The following SYTL5 variants were observed in gnomAD, a reference collection of about 807,000 sequenced individuals.
SYTL5 encodes the protein synaptotagmin-like protein 5.
Under a neutral mutation model 55.9 loss-of-function variants are expected in SYTL5, and 34 were observed. That is an observed-to-expected ratio of 0.61 (90% confidence interval 0.46 to 0.81). The LOEUF (loss-of-function observed/expected upper bound fraction) is 0.81. Ranked by LOEUF, SYTL5 falls within the 30% of genes least tolerant of loss-of-function variation. The pLI, the probability that SYTL5 is intolerant of heterozygous loss-of-function variation, is 0.00. For missense variants in SYTL5, 637 were observed against 546.7 expected (o/e 1.17, Z -1.65); for synonymous variants, 221 against 188.7 (o/e 1.17, Z -1.40).
intron 6 of SYTL5, among the ~76,000 whole-genome samples, chrX:38,082,977 T>C (rs781051450): frequency 1.0e-3 from 113 of 112,245 alleles, no homozygotes; most frequent in African/African-American, 3.2e-3. Flanking sequence ...CAATATAACA[T>C]CCTACTCAGA....
In SYTL5 at chrX:38,051,900, G is replaced by T. The variant is rs1331277643; in HGVS notation, c.120-2313G>T. 9.0e-5 allele frequency among the ~76,000 whole-genome samples: 10 copies of T among 111,435 alleles called. No homozygotes were observed. The East Asian group carries it at 2.8e-3, about 31-fold the overall frequency. ...TAGGAGACGCACAATCCCAAGCAGG[G>T]TTCCTTCTGTTCTGGCTCCAAGGGG... On this transcript the variant is annotated intron_variant, in intron 2 of 16. Transcript: ENST00000297875.
At chrX:38,108,299 G>A (rs1937265280) in intron 11 of SYTL5, among the ~76,000 whole-genome samples, 1 of 111,879 alleles carries the variant, frequency 8.9e-6, no homozygotes, top group South Asian at 3.7e-4. Flanking sequence ...AAGAAACTGA[G>A]GCACAGAGTG....
chrX:37,894,502 A>G, the SYTL5 span, among the ~76,000 whole-genome samples: 2 of 111,856 alleles, frequency 1.8e-5, no homozygotes, highest in Admixed American at 1.9e-4. Flanking sequence ...GATAATAGAA[A>G]GAAGGTCTGG....
At chrX:37,903,809 A>G in the SYTL5 span, among the ~76,000 whole-genome samples, 1 of 111,825 alleles carries the variant, frequency 8.9e-6, no homozygotes, top group Non-Finnish European at 1.9e-5. Flanking sequence ...GACTCAGTTC[A>G]ATTGCCGTCT....
At chrX:38,105,115 T>C (rs1309829139) in intron 10 of SYTL5, among the ~76,000 whole-genome samples, 2 of 112,665 alleles carry the variant, frequency 1.8e-5, no homozygotes, top group African/African-American at 6.5e-5. Flanking sequence ...GCTAAGTGAC[T>C]AATGGGCAAG....
chrX:38,122,007 G>A, intron 14 of SYTL5, 73 bp from the exon 15 acceptor site: 3 of 984,085 alleles, frequency 3.0e-6, no homozygotes, highest in Non-Finnish European at 4.0e-6. Context: ...TGTAAATTTT[G>A]AAATGGAACT....
chrX:38,062,630 T>C (rs1357527965), intron 3 of SYTL5, among the ~76,000 whole-genome samples: 2 of 111,801 alleles, frequency 1.8e-5, no homozygotes, highest in Non-Finnish European at 3.8e-5. Context: ...AGTCCCTTGA[T>C]GTTAAGAGCT....
chrX:38,106,480 G>T (rs1283188718), intron 10 of SYTL5, 113 bp from the exon 11 acceptor site: 1 of 677,980 alleles, frequency 1.5e-6, no homozygotes, highest in South Asian at 5.2e-5. Context: ...CCTCACCCTA[G>T]ACTTCCATGC....
the SYTL5 span, among the ~76,000 whole-genome samples, chrX:38,000,418 C>G: frequency 8.9e-6 from 1 of 112,123 alleles, no homozygotes; most frequent in East Asian, 2.8e-4. Context: ...GTTCCCTTGT[C>G]CCCCTCACAG....
chrX:37,956,760 A>G, the SYTL5 span, among the ~76,000 whole-genome samples: 1 of 112,019 alleles, frequency 8.9e-6, no homozygotes, highest in Non-Finnish European at 1.9e-5. Context: ...GGGAGCGCAG[A>G]TATGCCTTCG....
chrX:37,889,146 C>T, the SYTL5 span, among the ~76,000 whole-genome samples: 6 of 111,813 alleles, frequency 5.4e-5, no homozygotes, highest in East Asian at 1.4e-3. Context: ...ATTAACCACA[C>T]CAATGAAGAG....
the SYTL5 span, among the ~76,000 whole-genome samples, chrX:37,950,900 G>A: frequency 9.0e-6 from 1 of 110,925 alleles, no homozygotes; most frequent in Non-Finnish European, 1.9e-5. Context: ...CACATGATGG[G>A]TGTTATCCAT....
chrX:38,000,546 T>C, the SYTL5 span, among the ~76,000 whole-genome samples: 2 of 111,730 alleles, frequency 1.8e-5, no homozygotes, highest in Non-Finnish European at 3.8e-5. Flanking sequence ...TAAAGGTGAA[T>C]GTTTACAGAT....
chrX:38,063,630 T>C (rs1214164854), intron 3 of SYTL5, among the ~76,000 whole-genome samples: 1 of 111,956 alleles, frequency 8.9e-6, no homozygotes, highest in Non-Finnish European at 1.9e-5. Flanking sequence ...ACATGTTTTC[T>C]AGTTTTGTAT....
chrX:38,038,151 A>G (rs1935168913), intron 2 of SYTL5, among the ~76,000 whole-genome samples: 1 of 112,317 alleles, frequency 8.9e-6, no homozygotes, highest in South Asian at 3.7e-4. Flanking sequence ...TTAATCTCAT[A>G]CAGAAACACC....
chrX:37,921,897 T>C, the SYTL5 span, among the ~76,000 whole-genome samples: 1 of 111,896 alleles, frequency 8.9e-6, no homozygotes, highest in Non-Finnish European at 1.9e-5. Context: ...CTTTTGTTAA[T>C]GAAAGGATGA....
chrX:38,108,546 T>C (rs756329565), intron 11 of SYTL5, 54 bp from the exon 12 acceptor site: 31 of 944,449 alleles, frequency 3.3e-5, no homozygotes, highest in Admixed American at 2.1e-4. Context: ...TCTTTGAACA[T>C]TTCTTGCAAA....
Position 38,106,759 on chromosome X carries a change from A to C in SYTL5, c.1322A>C (p.Gln441Pro). Residue 441 changes from glutamine (Q) to proline (P), a missense_variant, in exon 11 of 17, where the codon CAG (glutamine) becomes CCG (proline). By Grantham distance (76) the Gln-to-Pro change is moderately conservative (BLOSUM62 -1). Coordinates refer to ENST00000297875, the MANE Select transcript of SYTL5 (RefSeq NM_138780.3). ...RNLAIGDEKKQRTDAYVKSYL... is the reference protein window; with the variant it reads ...RNLAIGDEKKPRTDAYVKSYL... ...CTGGCCATAGGAGATGAAAAGAAAC[A>C]GAGGACAGATGCGTAAGCACATAGC... The C allele has an allele frequency of 8.3e-7, 1 of 1,201,012 alleles. No individual in the cohort carries two copies. Among genetic ancestry groups the C allele is most frequent in the Non-Finnish European group, 1.1e-6 (1 of 890,530 alleles).
the SYTL5 span, among the ~76,000 whole-genome samples, chrX:37,920,859 T>A: frequency 9.0e-6 from 1 of 111,604 alleles, no homozygotes; most frequent in Non-Finnish European, 1.9e-5. Context: ...ACCACAATGT[T>A]TAAGGAGCAA....
Sources: allele counts gnomAD v4.1 joint callset (sites outside exome capture counted in the v4.1 genomes callset), GRCh38; gene constraint gnomAD v4.1.1; transcripts MANE v1.5; gene names NCBI Gene and HGNC (gene_info 2026-07-23, HGNC 2026-07-21).